The following PEMT variants were observed in gnomAD, a reference collection of about 807,000 sequenced individuals.
PEMT encodes the protein phosphatidylethanolamine N-methyltransferase.
PEMT carries 23 observed loss-of-function variants against 27.4 expected under a neutral mutation model. The observed-to-expected ratio is 0.84, with a 90% CI of 0.60 to 1.19. The LOEUF (loss-of-function observed/expected upper bound fraction) is 1.19, where lower values mean the gene tolerates loss of function less well. Among genes scored for constraint, PEMT ranks in the 50% most tolerant of loss-of-function variants. PEMT has a pLI of 0.00. For missense variants in PEMT, 307 were observed against 310.1 expected (o/e 0.99, Z 0.07); for synonymous variants, 137 against 139.1 (o/e 0.98, Z 0.11).
intron 2 of PEMT, among the ~76,000 whole-genome samples, chr17:17,551,148 C>T (rs1430268238): frequency 6.6e-6 from 1 of 152,072 alleles, no homozygotes; most frequent in Non-Finnish European, 1.5e-5. Flanking sequence ...ATTATGGGAC[C>T]GTAATCCTCG....
chr17:17,526,682 C>A (rs191222514), intron 2 of PEMT, among the ~76,000 whole-genome samples: 4 of 152,244 alleles, frequency 2.6e-5, no homozygotes, highest in Admixed American at 2.6e-4. Flanking sequence ...TCTGTCTCCA[C>A]GCCAGGACCC....
At chr17:17,548,243 G>A (rs1030132396) in intron 2 of PEMT, among the ~76,000 whole-genome samples, 2 of 152,268 alleles carry the variant, frequency 1.3e-5, no homozygotes, top group African/African-American at 4.8e-5. Flanking sequence ...CCTGGCTCTA[G>A]GTGAGGCCAA....
At chr17:17,574,735 G>T (rs1235184804) in intron 2 of PEMT, among the ~76,000 whole-genome samples, 1 of 152,176 alleles carries the variant, frequency 6.6e-6, no homozygotes, top group Non-Finnish European at 1.5e-5. Flanking sequence ...ACCTGAGGGG[G>T]CTTGTGCATA....
intron 2 of PEMT, among the ~76,000 whole-genome samples, chr17:17,557,783 G>A (rs961331856): frequency 1.1e-4 from 17 of 152,074 alleles, no homozygotes; most frequent in African/African-American, 3.4e-4. Context: ...CCAGGCGTCC[G>A]GGACTGTCAG....
intron 2 of PEMT, 76 bp from the exon 3 acceptor site, chr17:17,522,471 C>G: frequency 1.1e-6 from 1 of 908,994 alleles, no homozygotes. Flanking sequence ...GCACATGCCT[C>G]TCTCTGCTTC....
At chr17:17,511,094 A>T (rs558987614) in intron 4 of PEMT, among the ~76,000 whole-genome samples, 1 of 152,158 alleles carries the variant, frequency 6.6e-6, no homozygotes, top group Non-Finnish European at 1.5e-5. Context: ...GATGGCCTTC[A>T]AGGCCTCGGC....
Position 17,561,288 on chromosome 17 carries a change from C to A in PEMT, c.204+15632G>T, listed in dbSNP as rs907616408. On this transcript the variant is annotated intron_variant, in intron 2 of 6. Transcript: ENST00000255389. This position sits in a 1 kb window ranked among gnomAD's most constrained non-coding sequence, Gnocchi z 4.5. ...CCCAGGAGGTGGAACCTACAGGTAA[C>A]CCTCTTTCACAGTTAAGAACGCCAA... Among the ~76,000 whole-genome samples, 4 of 152,190 alleles carry A rather than the reference C, an allele frequency of 2.6e-5. No individual in the cohort carries two copies. Among genetic ancestry groups the A allele is most frequent in the African/African-American group, 7.2e-5 (3 of 41,448 alleles).
At chr17:17,553,405 G>A (rs1909805179) in intron 2 of PEMT, among the ~76,000 whole-genome samples, 1 of 152,324 alleles carries the variant, frequency 6.6e-6, no homozygotes, top group South Asian at 2.1e-4. Flanking sequence ...TGGAGGCTGT[G>A]AGAAGCCGAC....
At chr17:17,539,315 C>T (rs1021605894) in intron 2 of PEMT, among the ~76,000 whole-genome samples, 1 of 152,132 alleles carries the variant, frequency 6.6e-6, no homozygotes, top group African/African-American at 2.4e-5. Flanking sequence ...CATACCACCA[C>T]CACATCAGGA....
At chr17:17,506,656 C>A (rs985789398) in intron 5 of PEMT, among the ~76,000 whole-genome samples, 2 of 152,212 alleles carry the variant, frequency 1.3e-5, no homozygotes, top group East Asian at 1.9e-4. Flanking sequence ...TGTTCATTCC[C>A]GCACAGGAGG....
At chr17:17,545,191 C>A (rs1250974779) in intron 2 of PEMT, among the ~76,000 whole-genome samples, 1 of 152,224 alleles carries the variant, frequency 6.6e-6, no homozygotes, top group Non-Finnish European at 1.5e-5. Context: ...CCTCAGTTGT[C>A]CTGTTCTAGA....
intron 2 of PEMT, among the ~76,000 whole-genome samples, chr17:17,524,925 C>T (rs570463012): frequency 1.2e-3 from 180 of 152,152 alleles, no homozygotes; most frequent in African/African-American, 4.0e-3. Flanking sequence ...CTGGCTAACA[C>T]GGTGAAACCC....
intron 2 of PEMT, among the ~76,000 whole-genome samples, chr17:17,542,884 G>T (rs1239524076): frequency 6.6e-6 from 1 of 152,216 alleles, no homozygotes; most frequent in Non-Finnish European, 1.5e-5. Context: ...AGTACCCCAG[G>T]GGATGGGCAG....
At chr17:17,560,575 G>T (rs1484301006) in intron 2 of PEMT, among the ~76,000 whole-genome samples, 2 of 152,230 alleles carry the variant, frequency 1.3e-5, no homozygotes, top group African/African-American at 4.8e-5. Context: ...GCCCCGGGGA[G>T]GGGTTAGAGA....
intron 2 of PEMT, among the ~76,000 whole-genome samples, chr17:17,564,542 G>A (rs1038549157): frequency 3.3e-5 from 5 of 152,120 alleles, no homozygotes; most frequent in African/African-American, 9.7e-5. Flanking sequence ...CACATAATAA[G>A]GGCACAGAGG....
intron 1 of PEMT, among the ~76,000 whole-genome samples, chr17:17,588,614 G>T (rs370047361): frequency 3.3e-5 from 5 of 152,260 alleles, no homozygotes; most frequent in Non-Finnish European, 5.9e-5. Flanking sequence ...TCACTCACCC[G>T]CTCTGGTGAG....
At chr17:17,543,470 G>A (rs1484893671) in intron 2 of PEMT, among the ~76,000 whole-genome samples, 3 of 152,312 alleles carry the variant, frequency 2.0e-5, no homozygotes, top group East Asian at 3.9e-4. Context: ...GGCAGCGCAC[G>A]CCACCTGGAT....
At chr17:17,537,937 T>C (rs1407727578) in intron 2 of PEMT, among the ~76,000 whole-genome samples, 2 of 152,214 alleles carry the variant, frequency 1.3e-5, no homozygotes, top group Non-Finnish European at 2.9e-5. Flanking sequence ...CATCCTCACG[T>C]CCAACCTGCC....
At chr17:17,575,566 G>A (rs1391767374) in intron 2 of PEMT, among the ~76,000 whole-genome samples, 3 of 152,334 alleles carry the variant, frequency 2.0e-5, no homozygotes, top group African/African-American at 7.2e-5. Flanking sequence ...CAGGCACTTC[G>A]GCTGCAGCCC....
Sources: gnomAD v4.1 joint callset for allele counts (sites outside exome capture counted in the v4.1 genomes callset) on GRCh38, gnomAD v4.1.1 for gene constraint, Gnocchi (gnomAD v3.1) non-coding constraint, MANE v1.5 for transcripts, NCBI Gene and HGNC (gene_info 2026-07-23, HGNC 2026-07-21) for gene names.